MGAT4C: variants seen among roughly 807,000 people sequenced by gnomAD.
The protein encoded by MGAT4C is alpha-1,3-mannosyl-glycoprotein 4-beta-N-acetylglucosaminyltransferase C.
Under a neutral mutation model 40.1 loss-of-function variants are expected in MGAT4C, and 19 were observed. That is an observed-to-expected ratio of 0.47 (90% confidence interval 0.33 to 0.70). The LOEUF (loss-of-function observed/expected upper bound fraction) is 0.70, where lower values mean the gene tolerates loss of function less well. MGAT4C is among the 30% of genes least tolerant of loss of function. The pLI, the probability that MGAT4C is intolerant of heterozygous loss-of-function variation, is 0.02. For missense variants in MGAT4C, 491 were observed against 563.2 expected, an observed-to-expected ratio of 0.87 and a Z score of 1.30; for synonymous variants, 181 against 187.1, an observed-to-expected ratio of 0.97 and a Z score of 0.27.
intron 2 of MGAT4C, among the ~76,000 whole-genome samples, chr12:86,047,233 G>C (rs73380019): frequency 6.6e-6 from 1 of 151,772 alleles, no homozygotes; most frequent in African/African-American, 2.4e-5. Context: ...TTTTTTCTTC[G>C]TGACTGTCCG....
At position 85,970,347 on chromosome 12, in the gene MGAT4C, A is replaced by G. The variant is rs1426133385; in HGVS notation, c.*8942T>C. 2.0e-5 allele frequency: 3 copies of G among 151,298 alleles called. No homozygotes were observed. Among genetic ancestry groups the G allele is most frequent in the Non-Finnish European group, 4.5e-5 (3 of 67,410 alleles). The allele number at this position is 151,298 out of a possible 1,614,324, so 9.4% of individuals were successfully genotyped here. ...TGAATCAAATGGTAAATTTTGAATC[A>G]TCTGGTAAAAATGGACAAAATTTAG... On this transcript the variant is annotated 3_prime_UTR_variant, in exon 5 of 5. Coordinates refer to ENST00000611864, the MANE Select transcript of MGAT4C (RefSeq NM_001351288.2).
intron 2 of MGAT4C, among the ~76,000 whole-genome samples, chr12:86,569,454 C>A (rs1354439782): frequency 6.6e-6 from 1 of 151,968 alleles, no homozygotes; most frequent in Non-Finnish European, 1.5e-5. Flanking sequence ...CAGAGAAATG[C>A]AAATCAAAAC....
chr12:86,820,912 A>G (rs1285602472), intron 1 of MGAT4C, among the ~76,000 whole-genome samples: 1 of 150,868 alleles, frequency 6.6e-6, no homozygotes, highest in Non-Finnish European at 1.5e-5. Context: ...GTTCCACCCT[A>G]TTTAGGGCAA....
intron 2 of MGAT4C, among the ~76,000 whole-genome samples, chr12:86,599,404 G>A (rs1033032411): frequency 1.3e-5 from 2 of 152,028 alleles, no homozygotes; most frequent in Admixed American, 6.5e-5. Flanking sequence ...AATAGCCATT[G>A]GCAGAAATAA....
At chr12:86,608,868 T>C (rs1348273205) in intron 2 of MGAT4C, among the ~76,000 whole-genome samples, 2 of 152,168 alleles carry the variant, frequency 1.3e-5, no homozygotes, top group African/African-American at 4.8e-5. Flanking sequence ...TTGGTCTTTC[T>C]AGTCTTGTCT....
chr12:86,709,830 T>C (rs1243780804), intron 2 of MGAT4C, among the ~76,000 whole-genome samples: 4 of 152,186 alleles, frequency 2.6e-5, no homozygotes, highest in Non-Finnish European at 5.9e-5. Flanking sequence ...GTTTTTTAGA[T>C]TTTCAGGGAA....
intron 2 of MGAT4C, among the ~76,000 whole-genome samples, chr12:86,674,507 C>A (rs2136568604): frequency 6.6e-6 from 1 of 152,082 alleles, no homozygotes; most frequent in Non-Finnish European, 1.5e-5. Flanking sequence ...ACCTGCCTGG[C>A]CAGTATGGTG....
intron 1 of MGAT4C, among the ~76,000 whole-genome samples, chr12:86,069,854 A>G (rs1356611853): frequency 6.6e-6 from 1 of 152,074 alleles, no homozygotes; most frequent in Non-Finnish European, 1.5e-5. Context: ...ATATATTCTA[A>G]ATAGAGCAAC....
In MGAT4C at chr12:86,759,782, T is replaced by C. The variant is rs181487849; in HGVS notation, c.-261-32541A>G. On this transcript the variant is annotated intron_variant, in intron 1 of 7. Coordinates refer to the MGAT4C transcript ENST00000548651. ...ATTTGACTTCCTTATATATTGAATGTTAATATTTTATCAAATGTAGAGTTT... is the reference window on the plus strand; with the variant it reads ...ATTTGACTTCCTTATATATTGAATGCTAATATTTTATCAAATGTAGAGTTT... 8.5e-5 allele frequency among the ~76,000 whole-genome samples: 13 copies of C among 152,290 alleles called. No individual in the cohort carries two copies. The East Asian group carries it at 1.2e-3, about 14-fold the overall frequency.
rs115934926 is a variant in MGAT4C at position 86,321,584 on chromosome 12, G to A, written c.-57+12481C>T. Among the ~76,000 whole-genome samples the A allele has an allele frequency of 2.0e-3, 311 of 152,122 alleles. 1 individual carries two copies. Among genetic ancestry groups the A allele is most frequent in the African/African-American group, 6.9e-3 (285 of 41,506 alleles). On this transcript the variant is annotated intron_variant, in intron 4 of 7. Coordinates refer to the MGAT4C transcript ENST00000548651. The stretch of plus-strand genomic sequence containing the variant: ...TGCTTTTAAAATGCTGAAAATGGCC[G>A]CCAGAAAATATATTTATTCAAATGC...
intron 1 of MGAT4C, among the ~76,000 whole-genome samples, chr12:86,191,171 A>C (rs1889409462): frequency 6.6e-6 from 1 of 151,594 alleles, no homozygotes; most frequent in African/African-American, 2.4e-5. Flanking sequence ...ATGCTGAGTG[A>C]TACAAATTTT....
At chr12:86,742,901 C>T (rs376445129) in intron 1 of MGAT4C, among the ~76,000 whole-genome samples, 4 of 151,634 alleles carry the variant, frequency 2.6e-5, no homozygotes, top group African/African-American at 9.7e-5. Flanking sequence ...AGCTATTACA[C>T]TGTACATACA....
intron 4 of MGAT4C, among the ~76,000 whole-genome samples, chr12:86,291,504 G>T (rs77511339): frequency 0.07 from 10,697 of 152,124 alleles, 907 homozygotes; most frequent in East Asian, 0.25. Flanking sequence ...CAGGAAGTGG[G>T]TCCTCACAAT....
intron 2 of MGAT4C, among the ~76,000 whole-genome samples, chr12:86,468,816 G>A (rs935045516): frequency 5.9e-5 from 9 of 151,872 alleles, no homozygotes; most frequent in African/African-American, 2.2e-4. Context: ...TTCACTAACT[G>A]CTTCAGGTCC....
intron 1 of MGAT4C, among the ~76,000 whole-genome samples, chr12:86,223,779 G>A (rs1168300675): frequency 4.6e-5 from 7 of 152,122 alleles, no homozygotes; most frequent in African/African-American, 1.4e-4. Context: ...CTCCTTCTAA[G>A]GTCTGAGGTC....
At chr12:85,989,849 G>A (rs1328223625) in intron 2 of MGAT4C, among the ~76,000 whole-genome samples, 2 of 152,074 alleles carry the variant, frequency 1.3e-5, no homozygotes, top group African/African-American at 4.8e-5. Flanking sequence ...GGCCTCTGAT[G>A]AGAAACAGTA....
At chr12:86,200,124 T>G (rs1249416351) in intron 1 of MGAT4C, among the ~76,000 whole-genome samples, 1 of 97,286 alleles carries the variant, frequency 1.0e-5, no homozygotes, top group Non-Finnish European at 2.2e-5. Flanking sequence ...ATAGTATGTA[T>G]TTGTTTTTTT....
chr12:86,172,188 GCTA>G (rs2135834691), intron 1 of MGAT4C, among the ~76,000 whole-genome samples: 1 of 152,178 alleles, frequency 6.6e-6, no homozygotes, highest in South Asian at 2.1e-4. Context: ...ATATATCTCA[GCTA>G]CTATTATCAT....
intron 2 of MGAT4C, among the ~76,000 whole-genome samples, chr12:85,998,776 G>A (rs1271597259): frequency 6.6e-6 from 1 of 152,102 alleles, no homozygotes; most frequent in African/African-American, 2.4e-5. Flanking sequence ...CATTCAACAA[G>A]TCTCTAGGAA....
Sources: allele counts gnomAD v4.1 joint callset (sites outside exome capture counted in the v4.1 genomes callset), GRCh38; gene constraint gnomAD v4.1.1; transcripts MANE v1.5; gene names NCBI Gene and HGNC (gene_info 2026-07-23, HGNC 2026-07-21).